Variants in TMEM120B observed in about 807,000 individuals in gnomAD.
The protein encoded by TMEM120B is transmembrane protein 120B.
Under a neutral mutation model 55.5 loss-of-function variants are expected in TMEM120B, and 31 were observed. The observed-to-expected ratio is 0.56, with a 90% CI of 0.42 to 0.75. The LOEUF (loss-of-function observed/expected upper bound fraction) is 0.75. TMEM120B is among the 30% of genes least tolerant of loss of function. The probability of loss-of-function intolerance (pLI) is 0.00; values close to 1 mark genes in which losing one functional copy is unlikely to be tolerated. For synonymous variants in TMEM120B, 203 were observed against 176.3 expected (o/e 1.15, Z -1.20); for missense variants, 399 against 425.5 (o/e 0.94, Z 0.55).
intron 1 of TMEM120B, among the ~76,000 whole-genome samples, chr12:121,718,159 G>A (rs1328282572): frequency 1.3e-5 from 2 of 152,068 alleles, no homozygotes; most frequent in Admixed American, 1.3e-4. Flanking sequence ...AGCTAACTGC[G>A]TGAAACACAG....
intron 6 of TMEM120B, among the ~76,000 whole-genome samples, chr12:121,770,274 G>A (rs1873995428): frequency 6.6e-6 from 1 of 152,004 alleles, no homozygotes; most frequent in South Asian, 2.1e-4. Context: ...TTTTCTCTGT[G>A]CACAAACAGC....
At chr12:121,741,351 CAG>C (rs1469842179) in intron 1 of TMEM120B, among the ~76,000 whole-genome samples, 3 of 152,134 alleles carry the variant, frequency 2.0e-5, no homozygotes, top group Non-Finnish European at 4.4e-5. Flanking sequence ...TATTTTGAGA[CAG>C]AGTTTCACTC....
intron 5 of TMEM120B, among the ~76,000 whole-genome samples, chr12:121,759,922 A>G (rs1423973047): frequency 6.6e-6 from 1 of 151,942 alleles, no homozygotes; most frequent in Non-Finnish European, 1.5e-5. Context: ...CACGAGGTCA[A>G]GAGATCGAGA....
intron 1 of TMEM120B, among the ~76,000 whole-genome samples, chr12:121,739,480 CTTT>C (rs964314614): frequency 9.1e-5 from 10 of 109,566 alleles, no homozygotes; most frequent in African/African-American, 3.6e-4. Flanking sequence ...TATGTAACTT[CTTT>C]TTTTTTTGGA....
At chr12:121,720,139 G>A (rs1566505103) in intron 1 of TMEM120B, among the ~76,000 whole-genome samples, 1 of 152,090 alleles carries the variant, frequency 6.6e-6, no homozygotes, top group African/African-American at 2.4e-5. Context: ...GGCAGGCTCT[G>A]GATCTGAACT....
intron 4 of TMEM120B, among the ~76,000 whole-genome samples, chr12:121,751,308 C>T (rs1873317368): frequency 8.5e-6 from 1 of 118,196 alleles, no homozygotes; most frequent in Non-Finnish European, 1.8e-5. Flanking sequence ...CCCACACCCA[C>T]ACCCCATACC....
intron 6 of TMEM120B, among the ~76,000 whole-genome samples, chr12:121,766,410 G>C (rs960816526): frequency 6.6e-6 from 1 of 152,192 alleles, no homozygotes; most frequent in Admixed American, 6.5e-5. Context: ...AGGAGGTCAG[G>C]AGGGCTCAGG....
chr12:121,745,048 G>A (rs1051449594), intron 2 of TMEM120B, among the ~76,000 whole-genome samples: 3 of 152,172 alleles, frequency 2.0e-5, no homozygotes, highest in East Asian at 3.9e-4. Context: ...GCCGTGCAGT[G>A]CACTGTGGGA....
chr12:121,765,120 CTTTT>C, intron 6 of TMEM120B, among the ~76,000 whole-genome samples: 1 of 142,724 alleles, frequency 7.0e-6, no homozygotes, highest in South Asian at 2.2e-4. Flanking sequence ...TCTTTTCTTT[CTTTT>C]CTTTCTTTTT....
intron 1 of TMEM120B, among the ~76,000 whole-genome samples, chr12:121,723,204 AT>A (rs1166748968): frequency 1.3e-5 from 2 of 151,986 alleles, no homozygotes; most frequent in Non-Finnish European, 1.5e-5. Flanking sequence ...GTCTAACTCC[AT>A]CGTTCAGGCT....
intron 1 of TMEM120B, among the ~76,000 whole-genome samples, chr12:121,733,170 G>A (rs905210105): frequency 6.6e-6 from 1 of 152,108 alleles, no homozygotes; most frequent in Non-Finnish European, 1.5e-5. Flanking sequence ...AGCAATAGGG[G>A]AAGGACTAAA....
intron 1 of TMEM120B, among the ~76,000 whole-genome samples, chr12:121,714,059 G>C (rs1401002883): frequency 6.6e-6 from 1 of 152,134 alleles, no homozygotes; most frequent in Non-Finnish European, 1.5e-5. Flanking sequence ...TCAATAGACA[G>C]AGGGTTGCTG....
chr12:121,773,533 T>A lies in TMEM120B; in HGVS notation c.772+20T>A. ...CAGTGGGTGAGTAGCTGGGCCTGGG[T>A]TGGAGCCGGGGCAGGTACTGGACCT... On this transcript the variant is annotated intron_variant, in intron 9 of 11. Coordinates refer to ENST00000449592, the MANE Select transcript of TMEM120B (RefSeq NM_001080825.2). 1 of 1,565,570 alleles carries A rather than the reference T, an allele frequency of 6.4e-7. No homozygotes were observed. The highest frequency in any genetic ancestry group is 8.7e-7 in the Non-Finnish European group (1 of 1,153,352).
At chr12:121,759,125 T>TG (rs1873584767) in intron 5 of TMEM120B, 1 of 867,226 alleles carries the variant, frequency 1.2e-6, no homozygotes, top group Non-Finnish European at 1.4e-6. Context: ...GTCTACTGTT[T>TG]TTTTTTTTTT....
At chr12:121,770,867 C>G (rs1253019649) in intron 6 of TMEM120B, 40 bp from the exon 7 acceptor site, 1 of 1,601,660 alleles carries the variant, frequency 6.2e-7, no homozygotes, top group Non-Finnish European at 8.6e-7. Flanking sequence ...CTGCGTTGCT[C>G]TCCCCTCCTG....
rs1216941204 is a variant in TMEM120B at position 121,730,826 on chromosome 12, C to T, written c.70-12803C>T. 6.7e-5 allele frequency among the ~76,000 whole-genome samples: 10 copies of T among 149,952 alleles called. No individual in the cohort carries two copies. The Admixed American group carries it at 6.7e-4, about 10-fold the overall frequency. ...TACAAAAATTAGCTGGGCATGGTGG[C>T]ACATGCCTGTAATCCCAGCTACTCG... is the stretch of plus-strand genomic sequence containing the variant. On this transcript the variant is annotated intron_variant, in intron 1 of 11. Transcript: ENST00000449592.
intron 5 of TMEM120B, 39 bp downstream of exon 5, chr12:121,752,262 C>T (rs778045251): frequency 6.4e-7 from 1 of 1,571,832 alleles, no homozygotes; most frequent in Non-Finnish European, 8.8e-7. Flanking sequence ...CCTGGGCATG[C>T]AGACGTCAGG....
Position 121,752,039 on chromosome 12 carries a change from G to A in TMEM120B, c.366-89G>A, listed in dbSNP as rs1177906557. On this transcript the variant is annotated intron_variant, in intron 4 of 11. Coordinates refer to ENST00000449592, the MANE Select transcript of TMEM120B (RefSeq NM_001080825.2). ...TTATGGGCCATGGCAGTGGCTGAAG[G>A]ACAAGGGTCTGATGGGGCTGAGGGC... 12 of 1,095,956 alleles carry A rather than the reference G, an allele frequency of 1.1e-5. No individual in the cohort carries two copies. In the South Asian group the frequency reaches 1.6e-4, roughly 15 times the overall value. 67.9% of individuals were successfully genotyped at this position (1,095,956 alleles called of 1,614,324 possible).
At chr12:121,748,563 G>C (rs1873176803) in intron 3 of TMEM120B, 121 bp downstream of exon 3, 2 of 672,878 alleles carry the variant, frequency 3.0e-6, no homozygotes, top group African/African-American at 1.8e-5. Flanking sequence ...GGGAAACAAG[G>C]GCAGGAGAGA....
Sources: gnomAD v4.1 joint callset for allele counts (sites outside exome capture counted in the v4.1 genomes callset) on GRCh38, gnomAD v4.1.1 for gene constraint, MANE v1.5 for transcripts, NCBI Gene and HGNC (gene_info 2026-07-23, HGNC 2026-07-21) for gene names.